Variants in CD302 observed in about 807,000 individuals in gnomAD.
The protein encoded by CD302 is CD302 antigen.
Under a neutral mutation model 26.5 loss-of-function variants are expected in CD302, and 23 were observed. The ratio of observed to expected loss-of-function variants is 0.87; its 90% CI spans 0.62 to 1.23. The LOEUF is 1.23. Among genes scored for constraint, CD302 ranks in the 50% most tolerant of loss-of-function variants. The pLI is 0.00. For missense variants in CD302, 290 were observed against 275.5 expected (o/e 1.05, Z -0.37); for synonymous variants, 90 against 99.4 (o/e 0.91, Z 0.56).
chr2:159,769,172 A>G lies in CD302; in HGVS notation c.*2679T>C, dbSNP rs968765204. On this transcript the variant is annotated 3_prime_UTR_variant, in exon 6 of 6. Transcript: ENST00000259053. ...GCAATTTTCTAAGAAAATGTAGTTT[A>G]AAATGTTATTCTGAATATCTGCCAA... 6.6e-6 allele frequency: 1 copy of G among 152,224 alleles called. No individual in the cohort carries two copies. The highest frequency in any genetic ancestry group is 6.5e-5 in the Admixed American group (1 of 15,282). 9.4% of individuals were successfully genotyped at this position (152,224 alleles called of 1,614,324 possible).
chr2:159,770,808 A>G lies in CD302; in HGVS notation c.*1043T>C, dbSNP rs969520903. The G allele has an allele frequency of 2.0e-5, 3 of 152,200 alleles. No individual in the cohort carries two copies. The highest frequency in any genetic ancestry group is 4.8e-5 in the African/African-American group (2 of 41,456). The allele number at this position is 152,200 out of a possible 1,614,324, so 9.4% of individuals were successfully genotyped here. A position where few individuals can be genotyped will look rare whatever the true frequency, so the allele number is the denominator to read the frequency against. On this transcript the variant is annotated 3_prime_UTR_variant, in exon 6 of 6. Coordinates refer to ENST00000259053, the MANE Select transcript of CD302 (RefSeq NM_014880.5). Reference sequence around the variant, plus strand: ...GTAAATACAAGCTGATTTTCACACAAGATTCCCTAACTATGCATTTCTTAG... The same window carrying G: ...GTAAATACAAGCTGATTTTCACACAGGATTCCCTAACTATGCATTTCTTAG...
intron 1 of CD302, 130 bp from the exon 2 acceptor site, chr2:159,783,599 T>C (rs1007987754): frequency 9.0e-5 from 55 of 608,642 alleles, no homozygotes; most frequent in Admixed American, 4.2e-4. Flanking sequence ...TAAATCTTTA[T>C]TAAAATAAGA....
chr2:159,792,422 C>G (rs1048398074), intron 1 of CD302, among the ~76,000 whole-genome samples: 3 of 145,202 alleles, frequency 2.1e-5, no homozygotes, highest in Non-Finnish European at 3.0e-5. Context: ...AGAACCAACT[C>G]TGTGTGTGTG....
At chr2:159,793,438 GA>G (rs572169597) in intron 1 of CD302, among the ~76,000 whole-genome samples, 24 of 144,252 alleles carry the variant, frequency 1.7e-4, no homozygotes, top group South Asian at 1.3e-3. Flanking sequence ...TTTAAAAAAA[GA>G]AAAAAAAAAC....
chr2:159,784,185 T>C (rs1396611690), intron 1 of CD302, among the ~76,000 whole-genome samples: 1 of 152,074 alleles, frequency 6.6e-6, no homozygotes, highest in Non-Finnish European at 1.5e-5. Context: ...CCTGCAAGAG[T>C]TGATTTCACT....
chr2:159,783,786 C>A (rs1177516423), intron 1 of CD302, among the ~76,000 whole-genome samples: 1 of 152,090 alleles, frequency 6.6e-6, no homozygotes, highest in Admixed American at 6.5e-5. Context: ...AGAAGACAGC[C>A]AATCAGGATT....
At chr2:159,784,882 C>G (rs142154455) in intron 1 of CD302, among the ~76,000 whole-genome samples, 1 of 151,836 alleles carries the variant, frequency 6.6e-6, no homozygotes, top group African/African-American at 2.4e-5. Context: ...CTTATAACTT[C>G]TGGATAATTA....
At chr2:159,798,008 G>A in intron 1 of CD302, 124 bp downstream of exon 1, 1 of 899,140 alleles carries the variant, frequency 1.1e-6, no homozygotes. Context: ...GGGAAGGGCG[G>A]GATGGCCGGC....
At chr2:159,775,061 C>T (rs974834596) in intron 5 of CD302, among the ~76,000 whole-genome samples, 2 of 152,182 alleles carry the variant, frequency 1.3e-5, no homozygotes, top group Admixed American at 1.3e-4. Flanking sequence ...AAATAAAGTG[C>T]AACACCTCCC....
At chr2:159,781,172 T>G (rs1708494583) in intron 2 of CD302, among the ~76,000 whole-genome samples, 174 bp from the exon 3 acceptor site, 1 of 152,210 alleles carries the variant, frequency 6.6e-6, no homozygotes, top group Non-Finnish European at 1.5e-5. Flanking sequence ...ATGTCTTGGC[T>G]CTCAGCCTCT....
At chr2:159,777,826 TCTA>T in intron 5 of CD302, 109 bp downstream of exon 5, 2 of 501,510 alleles carry the variant, frequency 4.0e-6, no homozygotes, top group Non-Finnish European at 6.8e-6. Flanking sequence ...TAAAAATTGT[TCTA>T]CTTTATATTA....
chr2:159,776,031 A>G (rs1298790947), intron 5 of CD302, among the ~76,000 whole-genome samples: 1 of 4,854 alleles, frequency 2.1e-4, no homozygotes, highest in Non-Finnish European at 5.5e-4. Context: ...TTTTTTTTTT[A>G]AAGTAGAGTC....
intron 2 of CD302, among the ~76,000 whole-genome samples, chr2:159,781,953 G>A (rs1216110287): frequency 1.3e-5 from 2 of 152,140 alleles, no homozygotes; most frequent in East Asian, 3.9e-4. Context: ...TGTTATTGTT[G>A]AAGAATATAA....
chr2:159,798,098 C>A, intron 1 of CD302, 34 bp downstream of exon 1: 2 of 1,492,722 alleles, frequency 1.3e-6, no homozygotes, highest in Non-Finnish European at 1.8e-6. Flanking sequence ...GGCGGTCGCG[C>A]ACGGTCCCGG....
In CD302 at chr2:159,792,006, T is replaced by C. The variant is rs545415738; in HGVS notation, c.67+6126A>G. On this transcript the variant is annotated intron_variant, in intron 1 of 5. Transcript: ENST00000259053. The stretch of plus-strand genomic sequence containing the variant: ...AGCAGCTTAAAACAAGAAACACTTA[T>C]TATATACAGTTTCTCTGGGTCAGGA... Among the ~76,000 whole-genome samples, 13 of 151,924 alleles carry C rather than the reference T, an allele frequency of 8.6e-5. No homozygotes were observed. In the East Asian group the frequency reaches 2.1e-3, roughly 25 times the overall value.
intron 1 of CD302, 118 bp from the exon 2 acceptor site, chr2:159,783,587 G>A: frequency 1.5e-6 from 1 of 648,202 alleles, no homozygotes; most frequent in Non-Finnish European, 2.4e-6. Context: ...AATTTCCTTT[G>A]TTAAATCTTT....
In CD302 at chr2:159,769,034, T is replaced by G. The variant is rs1437356458; in HGVS notation, c.*2817A>C. 6.6e-6 allele frequency: 1 copy of G among 152,194 alleles called. No homozygotes were observed. The highest frequency in any genetic ancestry group is 2.4e-5 in the African/African-American group (1 of 41,456). The allele number at this position is 152,194 out of a possible 1,614,324, so 9.4% of individuals were successfully genotyped here. A position where few individuals can be genotyped will look rare whatever the true frequency, so the allele number is the denominator to read the frequency against. ...CACTTAGTATTTAAATATTGTCATA[T>G]TAGCTTCAGATTATCATGTAAATGA... On this transcript the variant is annotated 3_prime_UTR_variant, in exon 6 of 6. Coordinates refer to ENST00000259053, the MANE Select transcript of CD302 (RefSeq NM_014880.5).
At chr2:159,792,369 T>C (rs972812351) in intron 1 of CD302, among the ~76,000 whole-genome samples, 5 of 151,988 alleles carry the variant, frequency 3.3e-5, no homozygotes, top group Non-Finnish European at 7.4e-5. Context: ...TTCCATACTA[T>C]CTTATTGGTT....
Position 159,770,423 on chromosome 2 carries a change from G to C in CD302, c.*1428C>G, listed in dbSNP as rs1708102412. On this transcript the variant is annotated 3_prime_UTR_variant, in exon 6 of 6. Coordinates refer to ENST00000259053, the MANE Select transcript of CD302 (RefSeq NM_014880.5). ...CATTAATGATAGTGCCATTAATTGT[G>C]ATGAGTGTTTTCGATTCATGTGGTC... is the stretch of plus-strand genomic sequence containing the variant. 1 of 152,134 alleles carries C rather than the reference G, an allele frequency of 6.6e-6. No individual in the cohort carries two copies. Among genetic ancestry groups the C allele is most frequent in the Non-Finnish European group, 1.5e-5 (1 of 68,026 alleles). 9.4% of individuals were successfully genotyped at this position (152,134 alleles called of 1,614,324 possible).
Sources: allele counts gnomAD v4.1 joint callset (sites outside exome capture counted in the v4.1 genomes callset), GRCh38; gene constraint gnomAD v4.1.1; transcripts MANE v1.5; gene names NCBI Gene and HGNC (gene_info 2026-07-23, HGNC 2026-07-21).